SLC35D4: variants seen among roughly 807,000 people sequenced by gnomAD.
SLC35D4 encodes the protein solute carrier family 35 member D4.
chr18:23,277,578 G>C, the SLC35D4 span, among the ~76,000 whole-genome samples: 5 of 152,200 alleles, frequency 3.3e-5, no homozygotes, highest in African/African-American at 7.2e-5. Flanking sequence ...GTCTGGGCTT[G>C]TTCTCATGGT....
the SLC35D4 span, among the ~76,000 whole-genome samples, chr18:23,275,661 G>C: frequency 1.9e-4 from 29 of 150,110 alleles, no homozygotes; most frequent in Non-Finnish European, 4.0e-4. Flanking sequence ...GCTGTGCTTT[G>C]TTTGGGGACT....
At chr18:23,410,294 A>G in the SLC35D4 span, among the ~76,000 whole-genome samples, 7 of 151,934 alleles carry the variant, frequency 4.6e-5, no homozygotes, top group Non-Finnish European at 7.4e-5. Context: ...TGGCTAACAC[A>G]GTGAAACCCT....
the SLC35D4 span, among the ~76,000 whole-genome samples, chr18:23,264,747 G>T: frequency 6.6e-6 from 1 of 151,652 alleles, no homozygotes; most frequent in East Asian, 1.9e-4. Flanking sequence ...AGGCTCAATC[G>T]ACTCTCCCAC....
the SLC35D4 span, among the ~76,000 whole-genome samples, chr18:23,255,489 A>C: frequency 2.0e-5 from 3 of 152,126 alleles, no homozygotes; most frequent in Non-Finnish European, 2.9e-5. Context: ...TGAACCCAGA[A>C]GTGACCATTG....
At chr18:23,419,527 A>G in the SLC35D4 span, among the ~76,000 whole-genome samples, 2 of 152,042 alleles carry the variant, frequency 1.3e-5, no homozygotes, top group Admixed American at 1.3e-4. Context: ...CCTGACCTCA[A>G]GTGATCCACC....
the SLC35D4 span, chr18:23,257,326 G>A: frequency 1.1e-5 from 18 of 1,613,834 alleles, no homozygotes; most frequent in East Asian, 6.7e-5. Flanking sequence ...GCCCGAGCAC[G>A]AAGTCATGCC....
At chr18:23,358,533 A>T in the SLC35D4 span, among the ~76,000 whole-genome samples, 9 of 152,168 alleles carry the variant, frequency 5.9e-5, no homozygotes, top group African/African-American at 2.2e-4. Flanking sequence ...AGAGAAAATA[A>T]GAATAGCTAG....
the SLC35D4 span, among the ~76,000 whole-genome samples, chr18:23,382,603 G>C: frequency 1.3e-5 from 2 of 152,184 alleles, no homozygotes; most frequent in African/African-American, 4.8e-5. Flanking sequence ...TTGATTGTAA[G>C]AGCCTTCCTA....
chr18:23,315,814 C>G, the SLC35D4 span, among the ~76,000 whole-genome samples: 1 of 152,170 alleles, frequency 6.6e-6, no homozygotes, highest in African/African-American at 2.4e-5. Flanking sequence ...CCTGGACCAA[C>G]TGACTGGGGC....
the SLC35D4 span, among the ~76,000 whole-genome samples, chr18:23,389,500 C>A: frequency 6.6e-6 from 1 of 152,188 alleles, no homozygotes; most frequent in African/African-American, 2.4e-5. Flanking sequence ...ACCAGTTGCA[C>A]TCTATCAGCC....
At chr18:23,289,137 C>T in the SLC35D4 span, among the ~76,000 whole-genome samples, 3,980 of 152,330 alleles carry the variant, frequency 0.026, 79 homozygotes, top group South Asian at 0.075. Flanking sequence ...TTCTCAACTA[C>T]TCATACATGT....
chr18:23,306,667 T>G, the SLC35D4 span, among the ~76,000 whole-genome samples: 1 of 152,258 alleles, frequency 6.6e-6, no homozygotes, highest in African/African-American at 2.4e-5. Flanking sequence ...CTATGCTTTT[T>G]CTTTCCTGAT....
At chr18:23,344,774 G>A in the SLC35D4 span, among the ~76,000 whole-genome samples, 5 of 151,728 alleles carry the variant, frequency 3.3e-5, no homozygotes, top group South Asian at 2.1e-4. Flanking sequence ...GCTAATTTTT[G>A]TATTTTTAAT....
chr18:23,353,144 G>C, the SLC35D4 span, among the ~76,000 whole-genome samples: 7 of 117,782 alleles, frequency 5.9e-5, no homozygotes, highest in African/African-American at 2.1e-4. Flanking sequence ...AGAGAGAAAG[G>C]CTGACTTCAT....
chr18:23,414,102 A>G, the SLC35D4 span, among the ~76,000 whole-genome samples: 2 of 151,562 alleles, frequency 1.3e-5, no homozygotes, highest in Admixed American at 1.3e-4. Context: ...TGAAAATACA[A>G]AAATTAGCCG....
At chr18:23,379,853 G>T in the SLC35D4 span, among the ~76,000 whole-genome samples, 2 of 151,880 alleles carry the variant, frequency 1.3e-5, no homozygotes, top group East Asian at 3.9e-4. Context: ...CCCAGCACTT[G>T]GGGAGGCCGA....
At chr18:23,290,890 G>A in the SLC35D4 span, among the ~76,000 whole-genome samples, 4 of 151,360 alleles carry the variant, frequency 2.6e-5, no homozygotes, top group Admixed American at 6.6e-5. Context: ...CACCCGCCTC[G>A]GCCTCTGAAA....
chr18:23,371,366 A>G, the SLC35D4 span: 1 of 1,399,116 alleles, frequency 7.1e-7, no homozygotes, highest in Non-Finnish European at 9.5e-7. Flanking sequence ...AAGTGCTGGG[A>G]TTCCAGGTAT....
At chr18:23,344,224 T>C in the SLC35D4 span, among the ~76,000 whole-genome samples, 1 of 152,208 alleles carries the variant, frequency 6.6e-6, no homozygotes, top group African/African-American at 2.4e-5. Context: ...CCATGGTGCA[T>C]ATGTGCTACA....
Sources: gnomAD v4.1 joint callset for allele counts (sites outside exome capture counted in the v4.1 genomes callset) on GRCh38, gnomAD v4.1.1 for gene constraint, MANE v1.5 for transcripts, NCBI Gene and HGNC (gene_info 2026-07-23, HGNC 2026-07-21) for gene names.